The following FSTL5 variants were observed in gnomAD, a reference collection of about 807,000 sequenced individuals.
The protein encoded by FSTL5 is follistatin-related protein 5.
In FSTL5, 62 loss-of-function variants were observed where a neutral mutation model predicts 89.1. The ratio of observed to expected loss-of-function variants is 0.70; its 90% CI spans 0.57 to 0.86. The LOEUF is 0.86. Ranked by LOEUF, FSTL5 falls within the 40% of genes least tolerant of loss-of-function variation. FSTL5 has a pLI of 0.00. For synonymous variants in FSTL5, 383 were observed against 346.2 expected, an observed-to-expected ratio of 1.11 and a Z score of -1.18; for missense variants, 1,057 against 1,001.6, an observed-to-expected ratio of 1.06 and a Z score of -0.75.
intron 3 of FSTL5, among the ~76,000 whole-genome samples, chr4:161,989,083 C>A (rs150374070): frequency 6.6e-6 from 1 of 152,128 alleles, no homozygotes. Flanking sequence ...ATTCTGCTAA[C>A]CTTTAAACAG....
At chr4:161,796,232 TTTAAC>T (rs1214026718) in intron 4 of FSTL5, among the ~76,000 whole-genome samples, 5 of 151,876 alleles carry the variant, frequency 3.3e-5, no homozygotes, top group African/African-American at 1.2e-4. Flanking sequence ...TAAATCTCCT[TTTAAC>T]TTAGTCGAAA....
intron 6 of FSTL5, among the ~76,000 whole-genome samples, chr4:161,734,547 G>T (rs1303733289): frequency 6.6e-6 from 1 of 152,034 alleles, no homozygotes. Flanking sequence ...CAAAATTTTT[G>T]CAATCTCTGA....
intron 15 of FSTL5, among the ~76,000 whole-genome samples, chr4:161,421,369 T>C (rs1731986045): frequency 6.6e-6 from 1 of 151,466 alleles, no homozygotes; most frequent in African/African-American, 2.4e-5. Flanking sequence ...ACTCAGTAGA[T>C]AGCCTAGCAC....
chr4:162,152,706 G>A (rs1177578436), intron 1 of FSTL5, among the ~76,000 whole-genome samples: 1 of 151,938 alleles, frequency 6.6e-6, no homozygotes, highest in Non-Finnish European at 1.5e-5. Context: ...TGCCTTAAAG[G>A]AACATACATT....
rs1383518324 is a variant in FSTL5, at chr4:162,094,904, GAAAT to G, written c.126+16363_126+16366del. Reference sequence around the variant, plus strand: ...AATTTTGCCTCAGAGGAAGGAGCAGGAAATAAATAAAGAAATTCAATTAAAACTT... The same window carrying G: ...AATTTTGCCTCAGAGGAAGGAGCAGGAAATAAAGAAATTCAATTAAAACTT... On this transcript the variant is annotated intron_variant, in intron 2 of 15. Transcript: ENST00000306100. Among the ~76,000 whole-genome samples, 11 of 152,106 alleles carry G rather than the reference GAAAT, an allele frequency of 7.2e-5. No individual in the cohort carries two copies. The East Asian group carries it at 9.7e-4, about 13-fold the overall frequency.
At chr4:161,731,430 G>A (rs1038603805) in intron 6 of FSTL5, among the ~76,000 whole-genome samples, 2 of 152,042 alleles carry the variant, frequency 1.3e-5, no homozygotes, top group African/African-American at 4.8e-5. Flanking sequence ...TCTCATGATA[G>A]TGGGTGAGTT....
At chr4:162,065,530 GC>G (rs1738865394) in intron 2 of FSTL5, among the ~76,000 whole-genome samples, 2 of 152,036 alleles carry the variant, frequency 1.3e-5, no homozygotes, top group East Asian at 3.9e-4. Context: ...TGCGAGCATA[GC>G]TATTATCAAA....
chr4:161,788,233 T>A (rs185392602), intron 4 of FSTL5, among the ~76,000 whole-genome samples: 1,679 of 152,328 alleles, frequency 0.011, 14 homozygotes, highest in Non-Finnish European at 0.016. Flanking sequence ...TCCATCACTT[T>A]AAAAACATGT....
At chr4:161,995,872 C>T (rs907665011) in intron 3 of FSTL5, among the ~76,000 whole-genome samples, 1 of 151,650 alleles carries the variant, frequency 6.6e-6, no homozygotes, top group Non-Finnish European at 1.5e-5. Context: ...AGACTACACA[C>T]TCTTCAGATC....
At chr4:161,748,913 AT>A (rs1354441208) in intron 6 of FSTL5, among the ~76,000 whole-genome samples, 1 of 146,306 alleles carries the variant, frequency 6.8e-6, no homozygotes, top group Non-Finnish European at 1.5e-5. Flanking sequence ...GCAAAAAAAA[AT>A]ACATGAAAAA....
At chr4:162,051,732 C>A (rs1314611815) in intron 2 of FSTL5, among the ~76,000 whole-genome samples, 5 of 151,258 alleles carry the variant, frequency 3.3e-5, no homozygotes, top group African/African-American at 1.2e-4. Flanking sequence ...TATTCAATAA[C>A]CCTAAAAGAA....
intron 3 of FSTL5, among the ~76,000 whole-genome samples, chr4:161,992,580 C>G (rs187620775): frequency 6.6e-6 from 1 of 151,808 alleles, no homozygotes; most frequent in East Asian, 1.9e-4. Flanking sequence ...CGGTGGTTCA[C>G]GCCTGTAATC....
chr4:161,709,139 T>G, intron 6 of FSTL5, among the ~76,000 whole-genome samples: 1 of 152,178 alleles, frequency 6.6e-6, no homozygotes, highest in East Asian at 1.9e-4. Context: ...GCTATTTTTA[T>G]TACATAGCTG....
At chr4:161,674,822 T>C (rs1737245834) in intron 6 of FSTL5, among the ~76,000 whole-genome samples, 1 of 152,182 alleles carries the variant, frequency 6.6e-6, no homozygotes, top group African/African-American at 2.4e-5. Flanking sequence ...AGACATACCC[T>C]ACTCTGTTTA....
At chr4:161,559,575 T>A (rs1027311883) in intron 8 of FSTL5, among the ~76,000 whole-genome samples, 1 of 151,956 alleles carries the variant, frequency 6.6e-6, no homozygotes, top group African/African-American at 2.4e-5. Flanking sequence ...AAAGTCTCCC[T>A]CTCATTTCTA....
intron 13 of FSTL5, among the ~76,000 whole-genome samples, chr4:161,468,784 T>A (rs959776000): frequency 6.6e-6 from 1 of 152,188 alleles, no homozygotes; most frequent in Non-Finnish European, 1.5e-5. Context: ...TAGTTGCTTT[T>A]ATTATCTGTA....
At chr4:161,677,491 T>A (rs1179640000) in intron 6 of FSTL5, among the ~76,000 whole-genome samples, 1 of 152,084 alleles carries the variant, frequency 6.6e-6, no homozygotes, top group African/African-American at 2.4e-5. Context: ...TCTGCCTGTT[T>A]GTGTGTATCA....
At chr4:162,117,925 T>C (rs1467404632) in intron 1 of FSTL5, among the ~76,000 whole-genome samples, 1 of 152,242 alleles carries the variant, frequency 6.6e-6, no homozygotes, top group South Asian at 2.1e-4. Flanking sequence ...TTATTCTTTA[T>C]GGAATTGAAA....
chr4:161,992,504 G>A (rs1302340266), intron 3 of FSTL5, among the ~76,000 whole-genome samples: 1 of 151,914 alleles, frequency 6.6e-6, no homozygotes, highest in Non-Finnish European at 1.5e-5. Context: ...GACAGGGGGA[G>A]GAGCAAGTAT....
Sources: gnomAD v4.1 joint callset for allele counts (sites outside exome capture counted in the v4.1 genomes callset) on GRCh38, gnomAD v4.1.1 for gene constraint, MANE v1.5 for transcripts, NCBI Gene and HGNC (gene_info 2026-07-23, HGNC 2026-07-21) for gene names.